The following SLC41A2 variants were observed in gnomAD, a reference collection of about 807,000 sequenced individuals.
The protein encoded by SLC41A2 is SLC41A1-like 1.
SLC41A2 carries 32 observed loss-of-function variants against 58.3 expected under a neutral mutation model. The observed-to-expected ratio is 0.55, with a 90% CI of 0.41 to 0.74. The LOEUF (loss-of-function observed/expected upper bound fraction) is 0.74. Among genes scored for constraint, SLC41A2 ranks in the 30% least tolerant of loss-of-function variants. SLC41A2 has a pLI of 0.00. For missense variants in SLC41A2, 514 were observed against 680.6 expected, an observed-to-expected ratio of 0.76 and a Z score of 2.72; for synonymous variants, 190 against 235.0, an observed-to-expected ratio of 0.81 and a Z score of 1.75.
At chr12:104,883,128 G>C (rs542191305) in intron 6 of SLC41A2, among the ~76,000 whole-genome samples, 1 of 152,244 alleles carries the variant, frequency 6.6e-6, no homozygotes, top group South Asian at 2.1e-4. Flanking sequence ...TGAAGCTTGT[G>C]CATGCATCAT....
intron 10 of SLC41A2, among the ~76,000 whole-genome samples, chr12:104,835,796 T>C (rs920343438): frequency 6.6e-6 from 1 of 152,150 alleles, no homozygotes; most frequent in African/African-American, 2.4e-5. Context: ...CTGTAAATCT[T>C]TAGAAGTTGC....
At chr12:104,837,860 C>T (rs1178085635) in intron 10 of SLC41A2, among the ~76,000 whole-genome samples, 1 of 152,088 alleles carries the variant, frequency 6.6e-6, no homozygotes, top group Non-Finnish European at 1.5e-5. Flanking sequence ...CATTTCTAAC[C>T]TCTGATGTAG....
intron 10 of SLC41A2, among the ~76,000 whole-genome samples, chr12:104,814,096 G>A (rs1566096237): frequency 1.3e-5 from 2 of 152,246 alleles, no homozygotes; most frequent in South Asian, 2.1e-4. Flanking sequence ...TACAAGTGCT[G>A]TGGTCAAAAC....
intron 6 of SLC41A2, among the ~76,000 whole-genome samples, chr12:104,885,381 C>T (rs895745428): frequency 1.3e-5 from 2 of 151,890 alleles, no homozygotes; most frequent in African/African-American, 4.9e-5. Flanking sequence ...TTGGTTAAAG[C>T]CCTTTCTTTA....
intron 6 of SLC41A2, among the ~76,000 whole-genome samples, chr12:104,878,533 A>G (rs571073332): frequency 6.7e-6 from 1 of 150,350 alleles, no homozygotes; most frequent in African/African-American, 2.4e-5. Flanking sequence ...TCATTGTTCA[A>G]CTCCCACCTA....
chr12:104,838,338 T>C (rs1307476556), intron 10 of SLC41A2, among the ~76,000 whole-genome samples: 2 of 152,218 alleles, frequency 1.3e-5, no homozygotes, highest in Admixed American at 6.5e-5. Flanking sequence ...TATTAGGAAG[T>C]TTATTAGTTA....
chr12:104,844,818 T>A (rs546075197), intron 9 of SLC41A2, among the ~76,000 whole-genome samples, 198 bp from the exon 10 acceptor site: 5 of 152,284 alleles, frequency 3.3e-5, no homozygotes, highest in African/African-American at 1.2e-4. Context: ...GTTAATTAAA[T>A]GAAAGGTGGT....
At chr12:104,907,908 T>C (rs2045921871) in intron 3 of SLC41A2, among the ~76,000 whole-genome samples, 1 of 152,214 alleles carries the variant, frequency 6.6e-6, no homozygotes, top group African/African-American at 2.4e-5. Context: ...TATGACCTTT[T>C]ATATACTATA....
chr12:104,872,837 C>T (rs1245847845), intron 6 of SLC41A2, among the ~76,000 whole-genome samples: 4 of 152,196 alleles, frequency 2.6e-5, no homozygotes, highest in African/African-American at 9.6e-5. Context: ...TCAGTCATTT[C>T]AGAATACTCA....
At chr12:104,934,954 T>A (rs1368885697) in intron 1 of SLC41A2, among the ~76,000 whole-genome samples, 1 of 152,042 alleles carries the variant, frequency 6.6e-6, no homozygotes, top group African/African-American at 2.4e-5. Context: ...TTTTTGTTTT[T>A]TTTGTTTGTT....
chr12:104,918,628 G>GA (rs34865307), intron 2 of SLC41A2, among the ~76,000 whole-genome samples: 38,830 of 111,348 alleles, frequency 0.35, 7,177 homozygotes, highest in East Asian at 0.48. Flanking sequence ...GGAGATACAT[G>GA]AAAAAAAAAA....
intron 1 of SLC41A2, among the ~76,000 whole-genome samples, chr12:104,948,001 C>A (rs1387908928): frequency 1.3e-5 from 2 of 152,144 alleles, no homozygotes; most frequent in Non-Finnish European, 2.9e-5. Flanking sequence ...TGAAATTCCA[C>A]TAATCTAGAA....
chr12:104,899,679 G>A (rs183546508), intron 3 of SLC41A2, among the ~76,000 whole-genome samples: 78 of 152,196 alleles, frequency 5.1e-4, no homozygotes, highest in African/African-American at 1.6e-3. Flanking sequence ...ATTCTCTTGC[G>A]TATGAGATTT....
intron 2 of SLC41A2, among the ~76,000 whole-genome samples, chr12:104,913,117 A>G (rs1370389375): frequency 6.6e-6 from 1 of 152,178 alleles, no homozygotes; most frequent in Non-Finnish European, 1.5e-5. Context: ...TGGTGTGACA[A>G]CAATAAGAGC....
chr12:104,871,796 GGCACTATAGGGT>G (rs1193024865), intron 6 of SLC41A2, among the ~76,000 whole-genome samples: 1 of 152,138 alleles, frequency 6.6e-6, no homozygotes, highest in Non-Finnish European at 1.5e-5. Flanking sequence ...TTTTGTATAT[GGCACTATAGGGT>G]GCTACAAAGA....
intron 2 of SLC41A2, among the ~76,000 whole-genome samples, chr12:104,921,832 T>C (rs1431307444): frequency 6.6e-6 from 1 of 152,082 alleles, no homozygotes; most frequent in Non-Finnish European, 1.5e-5. Flanking sequence ...AGATAGGCAA[T>C]ATAAAAATGT....
chr12:104,940,934 C>CAA lies in SLC41A2; in HGVS notation c.-167-12242_-167-12241dup, dbSNP rs386377636. Among the ~76,000 whole-genome samples the CAA allele has an allele frequency of 7.3e-3, 696 of 95,158 alleles. 8 individuals are homozygous for CAA. Among genetic ancestry groups the CAA allele is most frequent in the African/African-American group, 0.017 (409 of 24,380 alleles). 62.4% of individuals were successfully genotyped at this position (95,158 alleles called of 152,430 possible). A position where few individuals can be genotyped will look rare whatever the true frequency, so the allele number is the denominator to read the frequency against. ...CGAGTGACAGAGCAAGACTCTGCCTCAAAAAAAAAAAAAAAAAAAAAGTTA... is the reference window on the plus strand; with the variant it reads ...CGAGTGACAGAGCAAGACTCTGCCTCAAAAAAAAAAAAAAAAAAAAAAAGTTA... On this transcript the variant is annotated intron_variant, in intron 1 of 10. Coordinates refer to ENST00000258538, the MANE Select transcript of SLC41A2 (RefSeq NM_001352171.3).
At chr12:104,956,448 G>C (rs138468557) in intron 1 of SLC41A2, among the ~76,000 whole-genome samples, 2,065 of 152,318 alleles carry the variant, frequency 0.014, 14 homozygotes, top group Middle Eastern at 0.02. Context: ...GGAAGCCGAG[G>C]TGGGCAGATC....
At chr12:104,854,850 C>T (rs1165308833) in intron 8 of SLC41A2, among the ~76,000 whole-genome samples, 1 of 152,082 alleles carries the variant, frequency 6.6e-6, no homozygotes, top group African/African-American at 2.4e-5. Context: ...GTTGTAAGAC[C>T]CTTCATCTTA....
Sources: allele counts gnomAD v4.1 joint callset (sites outside exome capture counted in the v4.1 genomes callset), GRCh38; gene constraint gnomAD v4.1.1; transcripts MANE v1.5; gene names NCBI Gene and HGNC (gene_info 2026-07-23, HGNC 2026-07-21).